Variants in PTPRG observed in about 807,000 individuals in gnomAD.
PTPRG encodes receptor-type tyrosine-protein phosphatase gamma.
PTPRG carries 102 observed loss-of-function variants against 165.3 expected under a neutral mutation model. The observed-to-expected ratio is 0.62, with a 90% CI of 0.53 to 0.73. The LOEUF is 0.73. Among genes scored for constraint, PTPRG ranks in the 30% least tolerant of loss-of-function variants. The probability of loss-of-function intolerance (pLI) is 0.00; values close to 1 mark genes in which losing one functional copy is unlikely to be tolerated. For missense variants in PTPRG, 1,866 were observed against 1,861.4 expected (o/e 1.00, Z -0.05); for synonymous variants, 675 against 669.5 (o/e 1.01, Z -0.13).
intron 4 of PTPRG, among the ~76,000 whole-genome samples, chr3:62,028,148 AAAG>A (rs979043404): frequency 6.6e-6 from 1 of 152,232 alleles, no homozygotes. Context: ...AAAGAGGAGA[AAAG>A]AAGTTTTCGG....
rs1700542832 is a variant in PTPRG at position 62,217,570 on chromosome 3, G to A, written c.2156-1281G>A. On this transcript the variant is annotated intron_variant, in intron 12 of 29. Transcript: ENST00000474889. The surrounding 1 kb of genome is among the most constrained non-coding windows in gnomAD (Gnocchi z 4.3). ...GACACTCCGGGCTGGCTGAACGCTG[G>A]CCTCGTTTTTGCAGTGCAGGAGGAA... 1 of 152,254 alleles carries A rather than the reference G, an allele frequency of 6.6e-6. No individual in the cohort carries two copies. The highest frequency in any genetic ancestry group is 6.5e-5 in the Admixed American group (1 of 15,284). The allele number at this position is 152,254 out of a possible 1,614,324, so 9.4% of individuals were successfully genotyped here. A position where few individuals can be genotyped will look rare whatever the true frequency, so the allele number is the denominator to read the frequency against.
intron 4 of PTPRG, among the ~76,000 whole-genome samples, chr3:62,075,892 AG>A (rs1189481199): frequency 6.6e-6 from 1 of 152,158 alleles, no homozygotes; most frequent in Non-Finnish European, 1.5e-5. Flanking sequence ...GTTTTCTGTA[AG>A]GAGTACCATC....
chr3:61,918,461 A>C (rs964185328), intron 2 of PTPRG, among the ~76,000 whole-genome samples: 2 of 152,174 alleles, frequency 1.3e-5, no homozygotes, highest in Non-Finnish European at 2.9e-5. Context: ...GGTACTCTGA[A>C]GATACTGTTG....
At chr3:61,821,001 G>A (rs2035938326) in intron 2 of PTPRG, among the ~76,000 whole-genome samples, 1 of 152,108 alleles carries the variant, frequency 6.6e-6, no homozygotes, top group Non-Finnish European at 1.5e-5. Flanking sequence ...TTTAAATGCT[G>A]TGTTTCTTTT....
At chr3:62,205,858 G>A in intron 12 of PTPRG, among the ~76,000 whole-genome samples, 1 of 149,262 alleles carries the variant, frequency 6.7e-6, no homozygotes, top group East Asian at 2.0e-4. Context: ...TTACTTGATT[G>A]ATTTTTTGAA....
Position 62,243,745 on chromosome 3 carries a change from A to G in PTPRG, c.2376-62A>G, listed in dbSNP as rs1408705977. On this transcript the variant is annotated intron_variant, in intron 14 of 29. Coordinates refer to ENST00000474889, the MANE Select transcript of PTPRG (RefSeq NM_002841.4). The stretch of plus-strand genomic sequence containing the variant: ...GGAAGATCTATAAAATAAGAATTAA[A>G]AGAAGATGAACTCAAATAAAGTATA... 4 of 1,061,796 alleles carry G rather than the reference A, an allele frequency of 3.8e-6. No individual in the cohort carries two copies. In the African/African-American group the frequency reaches 6.4e-5, roughly 17 times the overall value. 65.8% of individuals were successfully genotyped at this position (1,061,796 alleles called of 1,614,324 possible).
At position 61,778,275 on chromosome 3, in the gene PTPRG, G is replaced by A. The variant is rs183095554; in HGVS notation, c.190+29293G>A. 7.6e-4 allele frequency among the ~76,000 whole-genome samples: 116 copies of A among 152,236 alleles called. 1 individual carries two copies. The highest frequency in any genetic ancestry group is 3.4e-3 in the Middle Eastern group (1 of 292). Reference sequence around the variant, plus strand: ...AGGGCTCCTGTTATAGAATCTCATGGGATCCACATGCCCCCTAGAGGTTTC... The same window carrying A: ...AGGGCTCCTGTTATAGAATCTCATGAGATCCACATGCCCCCTAGAGGTTTC... On this transcript the variant is annotated intron_variant, in intron 2 of 29. Coordinates refer to ENST00000474889, the MANE Select transcript of PTPRG (RefSeq NM_002841.4).
intron 2 of PTPRG, among the ~76,000 whole-genome samples, chr3:61,919,570 G>A (rs940323361): frequency 6.6e-6 from 1 of 152,118 alleles, no homozygotes; most frequent in Admixed American, 6.5e-5. Context: ...TCCAGTAGGG[G>A]TCACTGGTCC....
intron 5 of PTPRG, among the ~76,000 whole-genome samples, chr3:62,102,520 C>G (rs1182245287): frequency 6.6e-6 from 1 of 152,176 alleles, no homozygotes; most frequent in Non-Finnish European, 1.5e-5. Context: ...ATCTGCCCAC[C>G]TAAGCCTCCC....
intron 2 of PTPRG, among the ~76,000 whole-genome samples, chr3:61,858,605 A>G (rs1447793778): frequency 6.6e-6 from 1 of 152,138 alleles, no homozygotes; most frequent in African/African-American, 2.4e-5. Flanking sequence ...GGTGTTCTGT[A>G]TGTATTTTTT....
intron 1 of PTPRG, among the ~76,000 whole-genome samples, chr3:61,694,172 C>G (rs772415018): frequency 6.6e-6 from 1 of 152,092 alleles, no homozygotes; most frequent in Non-Finnish European, 1.5e-5. Flanking sequence ...AGAATGCATG[C>G]TAAGACGTGG....
intron 12 of PTPRG, among the ~76,000 whole-genome samples, chr3:62,212,180 C>CT (rs1405082482): frequency 6.6e-6 from 1 of 152,084 alleles, no homozygotes; most frequent in Non-Finnish European, 1.5e-5. Context: ...CAGGCTCATT[C>CT]TTTGAGTCTG....
At chr3:61,888,570 A>T (rs1252138834) in intron 2 of PTPRG, among the ~76,000 whole-genome samples, 1 of 152,108 alleles carries the variant, frequency 6.6e-6, no homozygotes, top group Non-Finnish European at 1.5e-5. Flanking sequence ...TGACCTTGCG[A>T]TCCGCCCGCC....
chr3:61,610,232 A>G (rs866377327), intron 1 of PTPRG, among the ~76,000 whole-genome samples: 1 of 151,870 alleles, frequency 6.6e-6, no homozygotes, highest in Non-Finnish European at 1.5e-5. Flanking sequence ...AATACATTTA[A>G]TGTGCTTGGA....
chr3:61,792,554 C>G (rs7614313), intron 2 of PTPRG, among the ~76,000 whole-genome samples: 21,828 of 152,104 alleles, frequency 0.14, 1,961 homozygotes, highest in East Asian at 0.45. Context: ...ACATTCTTCT[C>G]AGTTCTTGGC....
In PTPRG at chr3:61,777,459, T is replaced by C. The variant is rs556200061; in HGVS notation, c.190+28477T>C. Among the ~76,000 whole-genome samples the C allele has an allele frequency of 5.3e-5, 8 of 152,358 alleles. No homozygotes were observed. The East Asian group carries it at 1.5e-3, about 29-fold the overall frequency. ...TTATTAAGCACCTATTAGGTGGCAA[T>C]ACATTTTCTAGGCCCTGGGAATACC... On this transcript the variant is annotated intron_variant, in intron 2 of 29. Coordinates refer to ENST00000474889, the MANE Select transcript of PTPRG (RefSeq NM_002841.4).
intron 1 of PTPRG, among the ~76,000 whole-genome samples, chr3:61,578,124 T>G (rs1449814063): frequency 6.6e-6 from 1 of 152,230 alleles, no homozygotes; most frequent in Non-Finnish European, 1.5e-5. Context: ...CATTGATTTC[T>G]CCCTCTCCTA....
intron 2 of PTPRG, among the ~76,000 whole-genome samples, chr3:61,779,081 T>TTCCCTTCCC (rs1273879509): frequency 2.0e-5 from 3 of 152,034 alleles, no homozygotes; most frequent in Non-Finnish European, 4.4e-5. Flanking sequence ...CACACACACG[T>TTCCCTTCCC]TCTAAGGGAG....
chr3:62,033,480 A>G (rs367966976), intron 4 of PTPRG, among the ~76,000 whole-genome samples: 7 of 149,066 alleles, frequency 4.7e-5, no homozygotes, highest in African/African-American at 1.5e-4. Flanking sequence ...TCTCCCACCT[A>G]AGCCTCGCAA....
Sources: gnomAD v4.1 joint callset for allele counts (sites outside exome capture counted in the v4.1 genomes callset) on GRCh38, gnomAD v4.1.1 for gene constraint, Gnocchi (gnomAD v3.1) non-coding constraint, MANE v1.5 for transcripts, NCBI Gene and HGNC (gene_info 2026-07-23, HGNC 2026-07-21) for gene names.